ZNF660: variants seen among roughly 807,000 people sequenced by gnomAD.
ZNF660 encodes the protein zinc finger protein 660.
ZNF660 carries 24 observed loss-of-function variants against 23.2 expected under a neutral mutation model. The observed-to-expected ratio is 1.04, with a 90% CI of 0.75 to 1.46. ZNF660 has a LOEUF of 1.46. ZNF660 is among the 40% of genes most tolerant of loss of function. The pLI is 0.00. For synonymous variants in ZNF660, 117 were observed against 131.4 expected, an observed-to-expected ratio of 0.89 and a Z score of 0.75; for missense variants, 373 against 396.8, an observed-to-expected ratio of 0.94 and a Z score of 0.51.
chr3:44,591,068 C>T (rs1027863517), intron 2 of ZNF660, among the ~76,000 whole-genome samples: 5 of 152,184 alleles, frequency 3.3e-5, no homozygotes, highest in African/African-American at 9.7e-5. Context: ...CCACCATTTG[C>T]TATCTTCCTT....
chr3:44,591,689 A>T (rs968258280), intron 2 of ZNF660, among the ~76,000 whole-genome samples: 1 of 152,208 alleles, frequency 6.6e-6, no homozygotes, highest in Non-Finnish European at 1.5e-5. Flanking sequence ...ATGTGGAAAA[A>T]TGTGCATTAA....
chr3:44,591,642 A>C (rs1700431168), intron 2 of ZNF660, among the ~76,000 whole-genome samples: 1 of 152,248 alleles, frequency 6.6e-6, no homozygotes, highest in Non-Finnish European at 1.5e-5. Context: ...TAGGTAAATT[A>C]GAAGGAATTC....
intron 1 of ZNF660, among the ~76,000 whole-genome samples, chr3:44,585,449 A>G (rs556405479): frequency 6.6e-6 from 1 of 152,302 alleles, no homozygotes; most frequent in Non-Finnish European, 1.5e-5. Context: ...GATTCATTCA[A>G]CAAATATTTA....
chr3:44,588,087 C>T (rs992355564), intron 2 of ZNF660, among the ~76,000 whole-genome samples: 2 of 152,126 alleles, frequency 1.3e-5, no homozygotes, highest in African/African-American at 4.8e-5. Flanking sequence ...GAAAGAAATA[C>T]CTGTGACTGG....
Position 44,595,023 on chromosome 3 carries a change from A to G in ZNF660, c.830A>G (p.Asn277Ser). 1 of 1,613,958 alleles carries G rather than the reference A, an allele frequency of 6.2e-7. No homozygotes were observed. Residue 277 changes from asparagine to serine, a missense_variant, in exon 3 of 3, where the codon AAT becomes AGT. Asn to Ser is a conservative substitution (Grantham distance 46). Coordinates refer to ENST00000322734, the MANE Select transcript of ZNF660 (RefSeq NM_173658.4). The stretch of plus-strand genomic sequence containing the variant: ...ACTGGAGAGAAACCCTATAAATGTA[A>G]TGAATGTGGGAAAACCTTCAGGCAG... ...VHTGEKPYKCNECGKTFRQTS... is the reference protein window; with the variant it reads ...VHTGEKPYKCSECGKTFRQTS...
intron 2 of ZNF660, among the ~76,000 whole-genome samples, chr3:44,593,019 C>G (rs911428678): frequency 6.6e-6 from 1 of 151,704 alleles, no homozygotes; most frequent in African/African-American, 2.4e-5. Context: ...TGCCACTGCA[C>G]TCCAGCCTGG....
chr3:44,595,209 G>T lies in ZNF660; in HGVS notation c.*20G>T, dbSNP rs757468703. The T allele has an allele frequency of 1.8e-5, 27 of 1,529,948 alleles. No homozygotes were observed. The highest frequency in any genetic ancestry group is 2.4e-5 in the Non-Finnish European group (27 of 1,141,626). 94.8% of individuals were successfully genotyped at this position (1,529,948 alleles called of 1,614,324 possible). A position where few individuals can be genotyped will look rare whatever the true frequency, so the allele number is the denominator to read the frequency against. On this transcript the variant is annotated 3_prime_UTR_variant, in exon 3 of 3. Transcript: ENST00000322734. ...TCATAAATAACAAATATTGTGGGTA[G>T]TAGGGCTGACTGCTGCTTTTCTAAA... is the stretch of plus-strand genomic sequence containing the variant.
intron 2 of ZNF660, chr3:44,586,595 T>G (rs1169702399): frequency 6.6e-6 from 1 of 152,136 alleles, no homozygotes; most frequent in African/African-American, 2.4e-5. Flanking sequence ...CTTAGGGAAT[T>G]TAGTCCCTGG....
In ZNF660 at chr3:44,594,032, A is replaced by C. The variant is rs753912531; in HGVS notation, c.-162A>C. ...CTGTCAGATGGTGAAACTGGGACTG[A>C]GGAGGAGTTAATTCCAAAGCATCAT... On this transcript the variant is annotated 5_prime_UTR_variant, in exon 3 of 3. Coordinates refer to ENST00000322734, the MANE Select transcript of ZNF660 (RefSeq NM_173658.4). 3.6e-5 allele frequency: 31 copies of C among 857,146 alleles called. No homozygotes were observed. The highest frequency in any genetic ancestry group is 6.0e-5 in the Non-Finnish European group (31 of 515,706). 53.1% of individuals were successfully genotyped at this position (857,146 alleles called of 1,614,324 possible).
In ZNF660 at chr3:44,596,048, A is replaced by T. The variant is rs1700596604; in HGVS notation, c.*859A>T. On this transcript the variant is annotated 3_prime_UTR_variant, in exon 3 of 3. Coordinates refer to ENST00000322734, the MANE Select transcript of ZNF660 (RefSeq NM_173658.4). Reference sequence around the variant, plus strand: ...ACTACCTAGGCTTCATCTTTTCAACATATGTCTACACAACCAGAAAAAAAT... The same window carrying T: ...ACTACCTAGGCTTCATCTTTTCAACTTATGTCTACACAACCAGAAAAAAAT... 6.0e-6 allele frequency: 1 copy of T among 166,888 alleles called. No homozygotes were observed. Among genetic ancestry groups the T allele is most frequent in the Non-Finnish European group, 1.5e-5 (1 of 68,128 alleles). 10.3% of individuals were successfully genotyped at this position (166,888 alleles called of 1,614,324 possible).
Position 44,594,717 on chromosome 3 carries a change from C to G in ZNF660, c.524C>G (p.Ser175Ter), listed in dbSNP as rs751253444. ...TGTGGGAAAGCCTTTAGCCGTAGTT[C>G]AAACCTTACTCAACATCAGCGAATG... The part of the protein sequence containing the change: ...IECGKAFSRS[S>*]NLTQHQRMHR... The change falls in exon 3 of 3, where the codon TCA becomes TGA. Residue 175 changes from serine to a stop codon, truncating the protein, a stop_gained. Coordinates refer to ENST00000322734, the MANE Select transcript of ZNF660 (RefSeq NM_173658.4). LOFTEE classifies it high-confidence loss of function. The G allele has an allele frequency of 9.9e-6, 16 of 1,614,086 alleles. No individual in the cohort carries two copies. The South Asian group carries it at 1.4e-4, about 14-fold the overall frequency.
At chr3:44,587,791 C>A (rs529539536) in intron 2 of ZNF660, among the ~76,000 whole-genome samples, 2 of 152,210 alleles carry the variant, frequency 1.3e-5, no homozygotes, top group Admixed American at 1.3e-4. Context: ...CGGTGGCTTA[C>A]GCCTGCAATC....
chr3:44,594,029 C>T lies in ZNF660; in HGVS notation c.-165C>T, dbSNP rs1700524297. On this transcript the variant is annotated 5_prime_UTR_variant, in exon 3 of 3. Coordinates refer to ENST00000322734, the MANE Select transcript of ZNF660 (RefSeq NM_173658.4). ...CTCCTGTCAGATGGTGAAACTGGGA[C>T]TGAGGAGGAGTTAATTCCAAAGCAT... 1.2e-6 allele frequency: 1 copy of T among 845,244 alleles called. No homozygotes were observed. The highest frequency in any genetic ancestry group is 2.0e-6 in the Non-Finnish European group (1 of 505,520). 52.4% of individuals were successfully genotyped at this position (845,244 alleles called of 1,614,324 possible).
At chr3:44,590,752 C>G (rs1341111155) in intron 2 of ZNF660, among the ~76,000 whole-genome samples, 1 of 152,214 alleles carries the variant, frequency 6.6e-6, no homozygotes. Context: ...AAAAAACTAT[C>G]AACTTTCTCA....
chr3:44,595,281 C>A lies in ZNF660; in HGVS notation c.*92C>A. 1 of 1,360,388 alleles carries A rather than the reference C, an allele frequency of 7.4e-7. No individual in the cohort carries two copies. The highest frequency in any genetic ancestry group is 1.5e-5 in the African/African-American group (1 of 68,300). 84.3% of individuals were successfully genotyped at this position (1,360,388 alleles called of 1,614,324 possible). On this transcript the variant is annotated 3_prime_UTR_variant, in exon 3 of 3. Coordinates refer to ENST00000322734, the MANE Select transcript of ZNF660 (RefSeq NM_173658.4). ...TTTAATTCTACTTCTAAGAATCATA[C>A]TCTACTTCTAAGAAAATAATTAGAA...
intron 2 of ZNF660, among the ~76,000 whole-genome samples, chr3:44,591,325 C>T (rs1700417067): frequency 6.6e-6 from 1 of 152,122 alleles, no homozygotes; most frequent in Non-Finnish European, 1.5e-5. Flanking sequence ...GATGTAGTCT[C>T]CCTGTCTTAC....
At position 44,595,477 on chromosome 3, in the gene ZNF660, T is replaced by A. The variant is rs970058132; in HGVS notation, c.*288T>A. 1.1e-4 allele frequency: 28 copies of A among 264,030 alleles called. No homozygotes were observed. Among genetic ancestry groups the A allele is most frequent in the African/African-American group, 6.3e-4 (28 of 44,776 alleles). The allele number at this position is 264,030 out of a possible 1,614,324, so 16.4% of individuals were successfully genotyped here. On this transcript the variant is annotated 3_prime_UTR_variant, in exon 3 of 3. Transcript: ENST00000322734. ...ACAATTTAATGCCATGGGGAAATGA[T>A]TGGATAAGACGGAAGATAATGACAT...
intron 1 of ZNF660, among the ~76,000 whole-genome samples, chr3:44,585,682 T>G (rs949729322): frequency 1.3e-5 from 2 of 152,250 alleles, no homozygotes; most frequent in East Asian, 3.9e-4. Flanking sequence ...TAAAGACTTG[T>G]TTCTTTCTGT....
intron 2 of ZNF660, among the ~76,000 whole-genome samples, chr3:44,590,076 C>T (rs987779578): frequency 4.6e-5 from 7 of 151,010 alleles, no homozygotes; most frequent in African/African-American, 1.7e-4. Context: ...ATTGCTCCCT[C>T]CCTCCCCTAG....
Sources: allele counts gnomAD v4.1 joint callset (sites outside exome capture counted in the v4.1 genomes callset), GRCh38; gene constraint gnomAD v4.1.1; transcripts MANE v1.5; gene names NCBI Gene and HGNC (gene_info 2026-07-23, HGNC 2026-07-21).